The following CEP152 variants were observed in gnomAD, a reference collection of about 807,000 sequenced individuals.
The protein encoded by CEP152 is centrosomal protein of 152 kDa.
Under a neutral mutation model 188.9 loss-of-function variants are expected in CEP152, and 132 were observed. That is an observed-to-expected ratio of 0.70 (90% CI 0.61 to 0.81). The LOEUF is 0.81. Among genes scored for constraint, CEP152 ranks in the 30% least tolerant of loss-of-function variants. The probability of loss-of-function intolerance (pLI) is 0.00; values close to 1 mark genes in which losing one functional copy is unlikely to be tolerated. For synonymous variants in CEP152, 649 were observed against 666.6 expected (o/e 0.97, Z 0.41); for missense variants, 1,914 against 1,969.8 (o/e 0.97, Z 0.54).
intron 12 of CEP152, among the ~76,000 whole-genome samples, chr15:48,778,406 T>C (rs1273886511): frequency 6.6e-6 from 1 of 152,194 alleles, no homozygotes; most frequent in Non-Finnish European, 1.5e-5. Flanking sequence ...GAATTTGATC[T>C]GAGTATAATA....
intron 14 of CEP152, among the ~76,000 whole-genome samples, chr15:48,768,564 A>C (rs1317106300): frequency 6.6e-6 from 1 of 152,212 alleles, no homozygotes; most frequent in Non-Finnish European, 1.5e-5. Context: ...TTTTGTATTT[A>C]CTTTGAAATA....
chr15:48,807,109 C>CTA (rs1898028792), intron 1 of CEP152, among the ~76,000 whole-genome samples: 2 of 152,188 alleles, frequency 1.3e-5, no homozygotes, highest in Admixed American at 1.3e-4. Flanking sequence ...TCAACTCAGA[C>CTA]TATACCTCAA....
intron 1 of CEP152, chr15:48,810,085 A>G (rs1011745060): frequency 4.6e-5 from 7 of 152,196 alleles, no homozygotes; most frequent in Admixed American, 3.3e-4. Flanking sequence ...GTTCATTGTC[A>G]CGCACTATGA....
intron 2 of CEP152, among the ~76,000 whole-genome samples, chr15:48,732,369 T>C (rs1366305993): frequency 2.0e-5 from 3 of 152,054 alleles, no homozygotes; most frequent in Non-Finnish European, 4.4e-5. Context: ...AAGAATGAGA[T>C]CATGTCCTTT....
At chr15:48,797,630 C>T (rs1897387771) in intron 4 of CEP152, 31 bp downstream of exon 4, 1 of 1,613,948 alleles carries the variant, frequency 6.2e-7, no homozygotes, top group East Asian at 2.2e-5. Context: ...GTCCCACCCT[C>T]ACCAAAGTCA....
chr15:48,790,165 C>T (rs1357687315), intron 8 of CEP152, among the ~76,000 whole-genome samples: 1 of 152,174 alleles, frequency 6.6e-6, no homozygotes, highest in African/African-American at 2.4e-5. Flanking sequence ...TCCAATACTG[C>T]TTTCATGGCT....
At chr15:48,755,511 T>A (rs1390275263) in intron 20 of CEP152, among the ~76,000 whole-genome samples, 2 of 152,164 alleles carry the variant, frequency 1.3e-5, no homozygotes, top group East Asian at 3.9e-4. Context: ...ATATATTCTT[T>A]ATTTTATTTT....
At chr15:48,765,845 G>A (rs1433933310) in intron 17 of CEP152, among the ~76,000 whole-genome samples, 2 of 151,362 alleles carry the variant, frequency 1.3e-5, no homozygotes, top group African/African-American at 4.9e-5. Flanking sequence ...GTAGAGACGG[G>A]GTTTCACCGT....
At chr15:48,809,462 C>A (rs1230819718) in intron 1 of CEP152, among the ~76,000 whole-genome samples, 1 of 151,954 alleles carries the variant, frequency 6.6e-6, no homozygotes, top group African/African-American at 2.4e-5. Flanking sequence ...ATTACTTTTC[C>A]TAAGAAGAAA....
chr15:48,734,311 C>T (rs569513614), downstream of CEP152, among the ~76,000 whole-genome samples: 14 of 149,506 alleles, frequency 9.4e-5, no homozygotes, highest in Non-Finnish European at 1.3e-4. Context: ...TATATTGTAC[C>T]AGAAGTTAGT....
Position 48,738,477 on chromosome 15 carries a change from A to C in CEP152, c.4905T>G (p.Tyr1635Ter). 6.2e-7 allele frequency: 1 copy of C among 1,614,214 alleles called. No individual in the cohort carries two copies. Among genetic ancestry groups the C allele is most frequent in the Non-Finnish European group, 8.5e-7 (1 of 1,180,038 alleles). ...MICQTMKCQR[Y>*]QTPYLSEETT... The stretch of plus-strand genomic sequence containing the variant: ...TTTCTTCTGACAGGTATGGAGTTTG[A>C]TAACGCTGACATTTCATTGTTTGAC... Residue 1635 changes from tyrosine (Y) to a stop codon, truncating the protein, a stop_gained, in exon 27 of 27, where the codon TAT (tyrosine) becomes TAG (stop). Coordinates refer to ENST00000380950, the MANE Select transcript of CEP152 (RefSeq NM_001194998.2). LOFTEE classifies it low-confidence loss of function (END_TRUNC).
chr15:48,784,043 A>G lies in CEP152; in HGVS notation c.1251T>C (p.Thr417=), dbSNP rs1183490411. The G allele has an allele frequency of 6.2e-7, 1 of 1,613,474 alleles. No homozygotes were observed. Among genetic ancestry groups the G allele is most frequent in the South Asian group, 1.1e-5 (1 of 91,048 alleles). Residue 417 remains threonine, a synonymous_variant, in exon 10 of 27, where the codon ACT becomes ACC. Transcript: ENST00000380950. The part of the protein sequence containing the change: ...RNQEAIKLEK[T]EIINKLTRSL... The stretch of plus-strand genomic sequence containing the variant: ...TTCTTGTCAACTTATTAATGATCTC[A>G]GTCTTTTCTAACTTGATTGCTTCTT...
chr15:48,777,342 G>A (rs1895978595), intron 12 of CEP152, among the ~76,000 whole-genome samples: 1 of 151,860 alleles, frequency 6.6e-6, no homozygotes, highest in Non-Finnish European at 1.5e-5. Context: ...AAATTTTTCT[G>A]TAAATTAAAA....
At chr15:48,765,682 T>C (rs911430428) in intron 17 of CEP152, 12 of 383,296 alleles carry the variant, frequency 3.1e-5, no homozygotes, top group South Asian at 1.3e-4. Flanking sequence ...GAGACGGAGT[T>C]TCGCTCTGTC....
At chr15:48,762,746 G>A (rs987722484) in intron 17 of CEP152, 74 bp from the exon 18 acceptor site, 2 of 1,449,240 alleles carry the variant, frequency 1.4e-6, no homozygotes, top group Non-Finnish European at 9.5e-7. Flanking sequence ...AAGCTAGCCA[G>A]AAAAGCAACC....
Position 48,791,281 on chromosome 15 carries a change from C to A in CEP152, c.928G>T (p.Ala310Ser). Residue 310 changes from alanine (A) to serine (S), a missense_variant, in exon 8 of 27, where the codon GCA becomes TCA. By Grantham distance (99) the Ala-to-Ser change is moderately conservative. Transcript: ENST00000380950. Reference protein sequence around the residue: ...REIQLEAQIKALETQIQALKV... With the variant: ...REIQLEAQIKSLETQIQALKV... ...AATGCTTGTATCTGAGTCTCCAGTGCTTTTATTTGAGCTTCAAGCTGTATC... is the reference window on the plus strand; with the variant it reads ...AATGCTTGTATCTGAGTCTCCAGTGATTTTATTTGAGCTTCAAGCTGTATC... The A allele has an allele frequency of 1.2e-6, 2 of 1,612,938 alleles. No individual in the cohort carries two copies. The highest frequency in any genetic ancestry group is 1.7e-6 in the Non-Finnish European group (2 of 1,179,782).
In CEP152 at chr15:48,792,820, C is replaced by CT. The variant is rs750579289; in HGVS notation, c.832+500dup. On this transcript the variant is annotated intron_variant, in intron 7 of 26. Coordinates refer to ENST00000380950, the MANE Select transcript of CEP152 (RefSeq NM_001194998.2). Reference sequence around the variant, plus strand: ...ATATAGGGACTCCAAAATAGAGTGTCTTTTTTTTTTTTTTGAGACAGAGTC... The same window carrying CT: ...ATATAGGGACTCCAAAATAGAGTGTCTTTTTTTTTTTTTTTGAGACAGAGTC... 7.9e-3 allele frequency among the ~76,000 whole-genome samples: 1,123 copies of CT among 142,526 alleles called. 19 individuals are homozygous for CT. The highest frequency in any genetic ancestry group is 0.038 in the Admixed American group (544 of 14,270). The allele number at this position is 142,526 out of a possible 152,430, so 93.5% of individuals were successfully genotyped here. A position where few individuals can be genotyped will look rare whatever the true frequency, so the allele number is the denominator to read the frequency against.
At chr15:48,748,685 A>G (rs1364153393) in intron 21 of CEP152, 75 bp from the exon 22 acceptor site, 32 of 1,291,706 alleles carry the variant, frequency 2.5e-5, no homozygotes, top group Non-Finnish European at 2.9e-5. Context: ...AAAAAAAAAG[A>G]CAGAAAGAAA....
intron 9 of CEP152, among the ~76,000 whole-genome samples, chr15:48,784,460 A>T (rs1248495344): frequency 6.6e-6 from 1 of 152,236 alleles, no homozygotes; most frequent in Non-Finnish European, 1.5e-5. Context: ...TGCGTATTTT[A>T]TATTGTCAGT....
Sources: allele counts gnomAD v4.1 joint callset (sites outside exome capture counted in the v4.1 genomes callset), GRCh38; gene constraint gnomAD v4.1.1; transcripts MANE v1.5; gene names NCBI Gene and HGNC (gene_info 2026-07-23, HGNC 2026-07-21).